Variants in ACTN4 observed in about 807,000 individuals in gnomAD.
The protein encoded by ACTN4 is alpha-actinin-4.
A neutral mutation model predicts 114.2 loss-of-function variants in ACTN4; 18 were observed. That is an observed-to-expected ratio of 0.16 (90% CI 0.11 to 0.23). The LOEUF is 0.23. Among genes scored for constraint, ACTN4 ranks in the 10% least tolerant of loss-of-function variants. The pLI is 1.00. For synonymous variants in ACTN4, 515 were observed against 506.3 expected, an observed-to-expected ratio of 1.02 and a Z score of -0.23; for missense variants, 722 against 1,262.9, an observed-to-expected ratio of 0.57 and a Z score of 6.49.
intron 5 of ACTN4, among the ~76,000 whole-genome samples, chr19:38,707,342 C>T (rs1599831538): frequency 1.3e-5 from 2 of 152,116 alleles, no homozygotes; most frequent in East Asian, 1.9e-4. Flanking sequence ...TACACCACAG[C>T]GCGGGGACCA....
At chr19:38,725,182 T>G (rs1166591317) in intron 16 of ACTN4, among the ~76,000 whole-genome samples, 1 of 152,190 alleles carries the variant, frequency 6.6e-6, no homozygotes, top group Admixed American at 6.5e-5. Flanking sequence ...ACTCACTACA[T>G]ACCAGGCAAC....
At chr19:38,688,057 A>G (rs896607766) in intron 1 of ACTN4, among the ~76,000 whole-genome samples, 1 of 139,056 alleles carries the variant, frequency 7.2e-6, no homozygotes, top group Non-Finnish European at 1.6e-5. Flanking sequence ...AACCACTACA[A>G]ATGGTCAATA....
chr19:38,707,575 C>T (rs546819236), intron 5 of ACTN4, among the ~76,000 whole-genome samples: 1 of 152,148 alleles, frequency 6.6e-6, no homozygotes, highest in African/African-American at 2.4e-5. Flanking sequence ...AGGTCTCTTT[C>T]CTCCAGAGAC....
In ACTN4 at chr19:38,727,115, G is replaced by A; in HGVS notation, c.2337+12G>A. On this transcript the variant is annotated intron_variant, in intron 18 of 20. Transcript: ENST00000252699. The surrounding 1 kb of genome is among the most constrained non-coding windows in gnomAD (Gnocchi z 5.4). ...ACCACTTCGACAAGGTGAGCAGCCT[G>A]CCACCTCCTCGGCCTCTCCCCTCCC... 2 of 1,613,660 alleles carry A rather than the reference G, an allele frequency of 1.2e-6. No individual in the cohort carries two copies. Among genetic ancestry groups the A allele is most frequent in the Non-Finnish European group, 1.7e-6 (2 of 1,179,950 alleles).
intron 1 of ACTN4, among the ~76,000 whole-genome samples, chr19:38,670,592 G>A (rs1372899442): frequency 6.6e-6 from 1 of 152,098 alleles, no homozygotes; most frequent in Non-Finnish European, 1.5e-5. Context: ...GGGACTTCAC[G>A]AAGCTGGAAA....
chr19:38,668,588 A>G lies in ACTN4; in HGVS notation c.162+20681A>G, dbSNP rs572604128. ...GTAGTCCCAGCTACTCAGGAGGCTG[A>G]GGCAGGGGAATTGCTTGAACCTGAG... On this transcript the variant is annotated intron_variant, in intron 1 of 20. Coordinates refer to ENST00000252699, the MANE Select transcript of ACTN4 (RefSeq NM_004924.6). Among the ~76,000 whole-genome samples the G allele has an allele frequency of 8.5e-5, 13 of 152,326 alleles. 1 individual carries two copies. Among genetic ancestry groups the G allele is most frequent in the Admixed American group, 2.6e-4 (4 of 15,290 alleles).
intron 3 of ACTN4, among the ~76,000 whole-genome samples, chr19:38,703,563 A>G (rs1297436764): frequency 1.3e-5 from 2 of 152,118 alleles, no homozygotes; most frequent in Non-Finnish European, 2.9e-5. Flanking sequence ...TTTTTAGGTT[A>G]GTTCAGAAAG....
rs191792057 is a variant in ACTN4 at position 38,713,942 on chromosome 19, C to T, written c.820-527C>T. On this transcript the variant is annotated intron_variant, in intron 8 of 20. Coordinates refer to ENST00000252699, the MANE Select transcript of ACTN4 (RefSeq NM_004924.6). ...AAAGCCCCAGCACTTTTCTGCCCCA[C>T]GGATGGTGACTTCTGTCCTCTGGAG... Among the ~76,000 whole-genome samples the T allele has an allele frequency of 2.9e-3, 435 of 152,328 alleles. 1 individual carries two copies. The highest frequency in any genetic ancestry group is 7.8e-3 in the Admixed American group (119 of 15,302).
rs760189269 is a variant in ACTN4 at position 38,725,922 on chromosome 19, C to T, written c.2190+19C>T. The T allele has an allele frequency of 1.3e-5, 21 of 1,613,166 alleles. No individual in the cohort carries two copies. The highest frequency in any genetic ancestry group is 1.2e-4 in the Admixed American group (7 of 60,028). On this transcript the variant is annotated intron_variant, in intron 17 of 20. Coordinates refer to ENST00000252699, the MANE Select transcript of ACTN4 (RefSeq NM_004924.6). ...CATGGAGGTGCGCGGCTGCCCCGCC[C>T]GCTGGCCTTTCCACCAGCATGGCCG...
intron 1 of ACTN4, among the ~76,000 whole-genome samples, chr19:38,664,767 C>A (rs1464891205): frequency 6.6e-6 from 1 of 152,168 alleles, no homozygotes; most frequent in African/African-American, 2.4e-5. Flanking sequence ...CCCTGCCCAG[C>A]AGTCCTTATG....
intron 1 of ACTN4, among the ~76,000 whole-genome samples, chr19:38,650,610 C>G (rs1281487761): frequency 6.6e-6 from 1 of 152,186 alleles, no homozygotes; most frequent in Non-Finnish European, 1.5e-5. Context: ...CACCTCTGTG[C>G]CCTTTCCTGT....
chr19:38,681,002 T>C (rs1967550579), intron 1 of ACTN4, among the ~76,000 whole-genome samples: 1 of 151,928 alleles, frequency 6.6e-6, no homozygotes, highest in Admixed American at 6.6e-5. Flanking sequence ...GGTATGTGCC[T>C]GTAATCCCAG....
intron 1 of ACTN4, among the ~76,000 whole-genome samples, chr19:38,688,708 C>T (rs750398274): frequency 6.6e-6 from 1 of 151,364 alleles, no homozygotes. Flanking sequence ...GCCTGGGCAA[C>T]AGAGTAAGAC....
intron 1 of ACTN4, among the ~76,000 whole-genome samples, chr19:38,693,874 G>A (rs1234430069): frequency 1.3e-5 from 2 of 152,216 alleles, no homozygotes; most frequent in African/African-American, 4.8e-5. Context: ...CTTGGCACAC[G>A]GAGGGGTGAC....
chr19:38,707,838 G>GT (rs1252528969), intron 5 of ACTN4, among the ~76,000 whole-genome samples: 1 of 152,214 alleles, frequency 6.6e-6, no homozygotes, highest in Admixed American at 6.5e-5. Context: ...TATGTAGCAG[G>GT]TATGTCACTA....
At position 38,723,762 on chromosome 19, in the gene ACTN4, CT is replaced by C. The variant is rs753136110; in HGVS notation, c.1551+41del. ...ACATCACCCACGGAGCTCTGTGCCC[CT>C]GCTGCCCCGGGGCTGGTGGTGTGGA... On this transcript the variant is annotated intron_variant, in intron 13 of 20. Transcript: ENST00000252699. The C allele has an allele frequency of 2.7e-5, 42 of 1,542,960 alleles. 1 individual carries two copies. In the South Asian group the frequency reaches 4.1e-4, roughly 15 times the overall value.
chr19:38,673,185 C>A (rs921487344), intron 1 of ACTN4, among the ~76,000 whole-genome samples: 1 of 151,094 alleles, frequency 6.6e-6, no homozygotes, highest in Admixed American at 6.6e-5. Flanking sequence ...TCAGGTGATC[C>A]CCCCACCTCA....
rs182431365 is a variant in ACTN4, at chr19:38,669,683, A to G, written c.162+21776A>G. Among the ~76,000 whole-genome samples, 467 of 152,314 alleles carry G rather than the reference A, an allele frequency of 3.1e-3. 4 individuals are homozygous for G. Among genetic ancestry groups the G allele is most frequent in the African/African-American group, 0.011 (453 of 41,556 alleles). ...GTGCCACATTTTTGTGGTAACTGCC[A>G]GGAAGCGGAGCCCAGCGTGGCCTCA... is the stretch of plus-strand genomic sequence containing the variant. On this transcript the variant is annotated intron_variant, in intron 1 of 20. Transcript: ENST00000252699.
chr19:38,686,965 CTT>C (rs34122839), intron 1 of ACTN4, among the ~76,000 whole-genome samples: 11 of 138,072 alleles, frequency 8.0e-5, no homozygotes, highest in African/African-American at 8.0e-5. Context: ...GGCAGAGTCT[CTT>C]TTTTTTTTTT....
Sources: gnomAD v4.1 joint callset for allele counts (sites outside exome capture counted in the v4.1 genomes callset) on GRCh38, gnomAD v4.1.1 for gene constraint, Gnocchi (gnomAD v3.1) non-coding constraint, MANE v1.5 for transcripts, NCBI Gene and HGNC (gene_info 2026-07-23, HGNC 2026-07-21) for gene names.